Variants in CDH18 observed in about 807,000 individuals in gnomAD.
CDH18 encodes the protein cadherin-18.
A neutral mutation model predicts 67.9 loss-of-function variants in CDH18; 31 were observed. The observed-to-expected ratio is 0.46, with a 90% CI of 0.34 to 0.62. CDH18 has a LOEUF of 0.62. CDH18 is among the 20% of genes least tolerant of loss of function. The probability of loss-of-function intolerance (pLI) is 0.01; values close to 1 mark genes in which losing one functional copy is unlikely to be tolerated. For synonymous variants in CDH18, 362 were observed against 347.2 expected (o/e 1.04, Z -0.48); for missense variants, 890 against 975.5 (o/e 0.91, Z 1.17).
chr5:20,518,038 C>A (rs1357948710), intron 1 of CDH18, among the ~76,000 whole-genome samples: 1 of 151,954 alleles, frequency 6.6e-6, no homozygotes, highest in Non-Finnish European at 1.5e-5. Flanking sequence ...CCCCTATAAG[C>A]AACCACAGTA....
intron 7 of CDH18, among the ~76,000 whole-genome samples, chr5:19,577,466 T>C (rs1742503706): frequency 6.6e-6 from 1 of 152,192 alleles, no homozygotes; most frequent in Admixed American, 6.6e-5. Flanking sequence ...TGTCAGTGTT[T>C]ATAACTGTTA....
Position 19,838,851 on chromosome 5 carries a change from C to T in CDH18, c.136G>A (p.Glu46Lys), listed in dbSNP as rs372817208. Reference protein sequence around the residue: ...NQTKHIEGETEVHHRPKRGWV... With the variant: ...NQTKHIEGETKVHHRPKRGWV... ...CCCCTTTTGGGACGATGATGGACTT[C>T]GGTTTCACCTTCAATGTGTTTGGTT... Residue 46 changes from glutamate to lysine, a missense_variant, in exon 3 of 13, where the codon GAA becomes AAA. Coordinates refer to ENST00000382275, the MANE Select transcript of CDH18 (RefSeq NM_004934.5). 2.9e-5 allele frequency: 46 copies of T among 1,613,954 alleles called. No individual in the cohort carries two copies. Among genetic ancestry groups the T allele is most frequent in the Non-Finnish European group, 3.8e-5 (45 of 1,179,962 alleles).
chr5:19,495,717 CAAAAAAAA>C (rs749003068), intron 11 of CDH18, among the ~76,000 whole-genome samples: 5 of 46,558 alleles, frequency 1.1e-4, no homozygotes, highest in African/African-American at 2.4e-4. Flanking sequence ...GAAACTGTCT[CAAAAAAAA>C]AAAAAAAAAA....
chr5:19,862,328 T>A (rs1784992015), intron 2 of CDH18, among the ~76,000 whole-genome samples: 1 of 152,156 alleles, frequency 6.6e-6, no homozygotes, highest in Non-Finnish European at 1.5e-5. Flanking sequence ...GCACTATATT[T>A]TATTATCTCA....
At position 20,139,355 on chromosome 5, in the gene CDH18, TA is replaced by T. The variant is rs202086572; in HGVS notation, c.-518+116088del. Among the ~76,000 whole-genome samples the T allele has an allele frequency of 7.9e-3, 1,208 of 152,216 alleles. 20 individuals are homozygous for T. The highest frequency in any genetic ancestry group is 0.028 in the African/African-American group (1,145 of 41,530). On this transcript the variant is annotated intron_variant, in intron 2 of 14. Coordinates refer to the CDH18 transcript ENST00000507958. ...GACTTAAATGTTAGACCTAAAACCATAAAAACTCTAGAAGAAAACCCAGGAA... is the reference window on the plus strand; with the variant it reads ...GACTTAAATGTTAGACCTAAAACCATAAAACTCTAGAAGAAAACCCAGGAA...
intron 2 of CDH18, among the ~76,000 whole-genome samples, chr5:20,045,004 T>A (rs2150479632): frequency 6.6e-6 from 1 of 152,266 alleles, no homozygotes; most frequent in Non-Finnish European, 1.5e-5. Context: ...CTAACAAAAA[T>A]GTTTAGTGGC....
chr5:19,880,049 T>C (rs1204689951), intron 2 of CDH18, among the ~76,000 whole-genome samples: 1 of 151,988 alleles, frequency 6.6e-6, no homozygotes, highest in African/African-American at 2.4e-5. Flanking sequence ...ACATTTGACA[T>C]TGTAGAAATA....
At chr5:20,523,782 T>C (rs1755890108) in intron 1 of CDH18, among the ~76,000 whole-genome samples, 1 of 152,080 alleles carries the variant, frequency 6.6e-6, no homozygotes, top group Non-Finnish European at 1.5e-5. Context: ...TCAAGTGATC[T>C]GCCCACCTTG....
intron 2 of CDH18, among the ~76,000 whole-genome samples, chr5:19,961,186 T>C (rs1194891653): frequency 1.4e-5 from 2 of 146,516 alleles, no homozygotes; most frequent in African/African-American, 5.1e-5. Context: ...CACTGCAACC[T>C]CCGCCTCCTG....
At chr5:19,486,066 T>G (rs1740348360) in intron 11 of CDH18, among the ~76,000 whole-genome samples, 1 of 152,136 alleles carries the variant, frequency 6.6e-6, no homozygotes, top group South Asian at 2.1e-4. Flanking sequence ...TTCATTCCTG[T>G]TTTTCCCGTT....
At chr5:20,278,905 T>G (rs1380340788) in intron 1 of CDH18, among the ~76,000 whole-genome samples, 2 of 151,840 alleles carry the variant, frequency 1.3e-5, no homozygotes, top group Non-Finnish European at 2.9e-5. Flanking sequence ...AAATAACATG[T>G]AAGAAATTAA....
chr5:20,157,882 T>C (rs371993950), intron 2 of CDH18, among the ~76,000 whole-genome samples: 58 of 152,178 alleles, frequency 3.8e-4, no homozygotes, highest in African/African-American at 9.6e-4. Flanking sequence ...CCTTGTGATC[T>C]GCCCTCCTTG....
intron 1 of CDH18, among the ~76,000 whole-genome samples, chr5:20,410,742 T>C (rs1746699821): frequency 6.6e-6 from 1 of 151,892 alleles, no homozygotes; most frequent in South Asian, 2.1e-4. Context: ...CATGATTTTA[T>C]ATGTAGAAAC....
At chr5:20,505,248 T>C (rs564187157) in intron 1 of CDH18, among the ~76,000 whole-genome samples, 40 of 152,160 alleles carry the variant, frequency 2.6e-4, no homozygotes, top group African/African-American at 8.2e-4. Flanking sequence ...ATGATTATAT[T>C]TGATGTTTTT....
At chr5:20,392,954 T>C (rs1744993528) in intron 1 of CDH18, among the ~76,000 whole-genome samples, 1 of 151,878 alleles carries the variant, frequency 6.6e-6, no homozygotes, top group South Asian at 2.1e-4. Context: ...AGTATATGTT[T>C]CTTCAACAAA....
intron 3 of CDH18, among the ~76,000 whole-genome samples, chr5:19,821,664 G>T (rs1408308261): frequency 2.6e-5 from 4 of 152,094 alleles, no homozygotes; most frequent in Non-Finnish European, 4.4e-5. Context: ...ATAGTCATCA[G>T]GGTTTCCAAG....
At chr5:20,129,247 AT>A (rs1221335522) in intron 2 of CDH18, among the ~76,000 whole-genome samples, 2 of 152,014 alleles carry the variant, frequency 1.3e-5, no homozygotes, top group African/African-American at 2.4e-5. Flanking sequence ...AAATGAAAAA[AT>A]ATCCCCCAAA....
chr5:19,610,636 G>T (rs879575719), intron 6 of CDH18, among the ~76,000 whole-genome samples: 1 of 152,002 alleles, frequency 6.6e-6, no homozygotes, highest in Non-Finnish European at 1.5e-5. Context: ...GAATCTATTT[G>T]AAAACAAGAT....
At chr5:20,402,056 A>G (rs28548387) in intron 1 of CDH18, among the ~76,000 whole-genome samples, 83,194 of 151,690 alleles carry the variant, frequency 0.55, 23,218 homozygotes, top group Middle Eastern at 0.62. Flanking sequence ...TTCTGTTCCT[A>G]GAATGTACCA....
Sources: allele counts gnomAD v4.1 joint callset (sites outside exome capture counted in the v4.1 genomes callset), GRCh38; gene constraint gnomAD v4.1.1; transcripts MANE v1.5; gene names NCBI Gene and HGNC (gene_info 2026-07-23, HGNC 2026-07-21).